The following CPNE4 variants were observed in gnomAD, a reference collection of about 807,000 sequenced individuals.
The protein encoded by CPNE4 is copine-4.
CPNE4 carries 25 observed loss-of-function variants against 67.9 expected under a neutral mutation model. That is an observed-to-expected ratio of 0.37 (90% CI 0.27 to 0.51). The LOEUF (loss-of-function observed/expected upper bound fraction) is 0.51. Among genes scored for constraint, CPNE4 ranks in the 20% least tolerant of loss-of-function variants. CPNE4 has a pLI of 0.93. For synonymous variants in CPNE4, 242 were observed against 244.9 expected (o/e 0.99, Z 0.11); for missense variants, 464 against 690.8 (o/e 0.67, Z 3.68).
chr3:131,812,844 GA>G (rs2107944468), intron 2 of CPNE4, among the ~76,000 whole-genome samples: 2 of 152,270 alleles, frequency 1.3e-5, no homozygotes, highest in South Asian at 4.1e-4. Flanking sequence ...CACAAAAAGG[GA>G]AACATTTGAG....
intron 1 of CPNE4, among the ~76,000 whole-genome samples, chr3:131,999,116 G>A (rs112806201): frequency 4.0e-5 from 6 of 151,738 alleles, no homozygotes; most frequent in Admixed American, 1.3e-4. Flanking sequence ...ATAGCATTCC[G>A]GACAAAAGAA....
At chr3:131,570,603 C>T (rs180841555) in intron 10 of CPNE4, among the ~76,000 whole-genome samples, 75 of 152,044 alleles carry the variant, frequency 4.9e-4, no homozygotes, top group African/African-American at 1.6e-3. Context: ...AATCTCTCAC[C>T]CTGTGGTCTG....
intron 2 of CPNE4, among the ~76,000 whole-genome samples, chr3:131,758,136 C>T (rs1333068100): frequency 6.6e-6 from 1 of 152,198 alleles, no homozygotes; most frequent in Non-Finnish European, 1.5e-5. Flanking sequence ...AAGAGGACCA[C>T]TGTCCTCCGG....
intron 11 of CPNE4, among the ~76,000 whole-genome samples, chr3:131,558,901 A>G (rs753040147): frequency 1.3e-4 from 19 of 151,724 alleles, no homozygotes; most frequent in Non-Finnish European, 2.7e-4. Flanking sequence ...CTACATCCAT[A>G]TGTGTTTTTT....
At chr3:131,661,067 C>G (rs6778050) in intron 7 of CPNE4, among the ~76,000 whole-genome samples, 60,787 of 152,026 alleles carry the variant, frequency 0.4, 13,597 homozygotes, top group Middle Eastern at 0.53. Flanking sequence ...AAAAGTTTTA[C>G]CTTTGATTGT....
At chr3:131,848,565 A>C (rs529213476) in intron 2 of CPNE4, among the ~76,000 whole-genome samples, 1 of 152,050 alleles carries the variant, frequency 6.6e-6, no homozygotes, top group African/African-American at 2.4e-5. Context: ...GGAGTTTGCC[A>C]GGGAGGCTTC....
chr3:131,535,370 C>G lies in CPNE4; in HGVS notation c.1540-41G>C, dbSNP rs748447091. On this transcript the variant is annotated intron_variant, in intron 15 of 15. Coordinates refer to ENST00000429747, the MANE Select transcript of CPNE4 (RefSeq NM_130808.3). ...AATCATCATGACGTTGGCTTCTGGT[C>G]AAGGAATCAGACTCATCCTAAAAGA... The G allele has an allele frequency of 5.0e-6, 8 of 1,589,728 alleles. No individual in the cohort carries two copies. In the South Asian group the frequency reaches 6.9e-5, roughly 14 times the overall value.
At position 131,683,887 on chromosome 3, in the gene CPNE4, T is replaced by C. The variant is rs541874521; in HGVS notation, c.591+1988A>G. Among the ~76,000 whole-genome samples the C allele has an allele frequency of 3.9e-5, 6 of 152,178 alleles. No homozygotes were observed. In the South Asian group the frequency reaches 1.2e-3, roughly 32 times the overall value. On this transcript the variant is annotated intron_variant, in intron 6 of 15. Transcript: ENST00000429747. ...AGGACTGGTTTAAATTCTTCCTCCA[T>C]GGGCGCAGGATGAGTTATGCCCAGT...
chr3:131,986,136 A>C (rs372594746), intron 1 of CPNE4, among the ~76,000 whole-genome samples: 2 of 151,658 alleles, frequency 1.3e-5, no homozygotes, highest in South Asian at 4.2e-4. Context: ...ATCATTTTAC[A>C]ACTGCTTTAA....
rs2071620636 is a variant in CPNE4 at position 131,948,302 on chromosome 3, T to C, written c.-1-42858A>G. The stretch of plus-strand genomic sequence containing the variant: ...GATAGTGAGTTCTCAGGAGATCTGA[T>C]GGTTTTATAAGGGTCTAACATTTCC... On this transcript the variant is annotated intron_variant, in intron 1 of 15. Transcript: ENST00000429747. 2.0e-5 allele frequency among the ~76,000 whole-genome samples: 3 copies of C among 152,154 alleles called. No individual in the cohort carries two copies. The South Asian group carries it at 6.2e-4, about 32-fold the overall frequency.
intron 1 of CPNE4, among the ~76,000 whole-genome samples, chr3:132,022,914 A>T (rs1025195197): frequency 1.2e-4 from 19 of 152,154 alleles, no homozygotes; most frequent in Non-Finnish European, 1.9e-4. Flanking sequence ...AATAAAAGGC[A>T]ATCTGAGTTC....
At position 131,868,430 on chromosome 3, in the gene CPNE4, G is replaced by T. The variant is rs116315542; in HGVS notation, c.180+36834C>A. Among the ~76,000 whole-genome samples, 599 of 152,236 alleles carry T rather than the reference G, an allele frequency of 3.9e-3. 5 individuals carry two copies. Among genetic ancestry groups the T allele is most frequent in the African/African-American group, 0.013 (558 of 41,534 alleles). ...CTTGAACCACAGGGTAGAACTGCACGTGGAGAATGGCGAAGCAAAAGGATA... is the reference window on the plus strand; with the variant it reads ...CTTGAACCACAGGGTAGAACTGCACTTGGAGAATGGCGAAGCAAAAGGATA... On this transcript the variant is annotated intron_variant, in intron 2 of 15. Transcript: ENST00000429747.
chr3:131,737,476 T>A (rs1303229662), intron 2 of CPNE4, among the ~76,000 whole-genome samples: 1 of 152,104 alleles, frequency 6.6e-6, no homozygotes, highest in Non-Finnish European at 1.5e-5. Context: ...GAACTATTAG[T>A]GAGTGGAGTC....
chr3:131,810,261 T>C (rs2084471624), intron 2 of CPNE4, among the ~76,000 whole-genome samples: 1 of 151,950 alleles, frequency 6.6e-6, no homozygotes, highest in Non-Finnish European at 1.5e-5. Flanking sequence ...AATGAAGAGG[T>C]AGCCTCTGAA....
At chr3:131,587,448 G>T (rs768343117) in intron 8 of CPNE4, 36 bp downstream of exon 8, 23 of 1,398,216 alleles carry the variant, frequency 1.6e-5, no homozygotes, top group South Asian at 3.5e-5. Flanking sequence ...GCATCATACC[G>T]ACTGGAGGCA....
At chr3:131,664,481 G>T (rs1160133989) in intron 7 of CPNE4, among the ~76,000 whole-genome samples, 1 of 152,152 alleles carries the variant, frequency 6.6e-6, no homozygotes, top group Non-Finnish European at 1.5e-5. Flanking sequence ...TTTATTGAGA[G>T]ACTTTCCTTT....
At chr3:131,833,957 T>A (rs1246809365) in intron 2 of CPNE4, among the ~76,000 whole-genome samples, 1 of 152,338 alleles carries the variant, frequency 6.6e-6, no homozygotes, top group African/African-American at 2.4e-5. Context: ...TATGTCTTTA[T>A]ATTTATATAG....
chr3:131,656,462 C>A (rs2079969260), intron 7 of CPNE4, among the ~76,000 whole-genome samples: 1 of 151,956 alleles, frequency 6.6e-6, no homozygotes, highest in South Asian at 2.1e-4. Context: ...AAAGGTGAGA[C>A]CAAATAGCAA....
chr3:131,601,161 ATCATCC>A (rs1939182681), intron 7 of CPNE4, among the ~76,000 whole-genome samples: 1 of 152,152 alleles, frequency 6.6e-6, no homozygotes, highest in Non-Finnish European at 1.5e-5. Flanking sequence ...CAACTAGGTA[ATCATCC>A]TCATATCACT....
Sources: allele counts gnomAD v4.1 joint callset (sites outside exome capture counted in the v4.1 genomes callset), GRCh38; gene constraint gnomAD v4.1.1; transcripts MANE v1.5; gene names NCBI Gene and HGNC (gene_info 2026-07-23, HGNC 2026-07-21).